Variants in NOX4 observed in about 807,000 individuals in gnomAD.
The protein encoded by NOX4 is NADPH oxidase 4.
In NOX4, 69 loss-of-function variants were observed where a neutral mutation model predicts 87.6. The observed-to-expected ratio is 0.79, with a 90% CI of 0.65 to 0.96. NOX4 has a LOEUF of 0.96. Among genes scored for constraint, NOX4 ranks in the 40% least tolerant of loss-of-function variants. The pLI, the probability that NOX4 is intolerant of heterozygous loss-of-function variation, is 0.00. For synonymous variants in NOX4, 275 were observed against 238.2 expected, an observed-to-expected ratio of 1.15 and a Z score of -1.42; for missense variants, 680 against 681.5, an observed-to-expected ratio of 1.00 and a Z score of 0.02.
Position 89,330,080 on chromosome 11 carries a change from T to C in NOX4, c.1617-3204A>G, listed in dbSNP as rs572481392. Among the ~76,000 whole-genome samples the C allele has an allele frequency of 5.3e-5, 8 of 152,188 alleles. No individual in the cohort carries two copies. In the South Asian group the frequency reaches 1.5e-3, roughly 28 times the overall value. ...AACTATAACATATGTATATGTAAGA[T>C]GAATGCAAAAATAGCAAAACGGATG... On this transcript the variant is annotated intron_variant, in intron 17 of 17. Transcript: ENST00000263317.
upstream of NOX4, among the ~76,000 whole-genome samples, chr11:89,493,838 C>G (rs1326971831): frequency 6.6e-6 from 1 of 151,896 alleles, no homozygotes; most frequent in African/African-American, 2.4e-5. Flanking sequence ...TAACCTCCAC[C>G]TCCTGGGTTC....
chr11:89,373,277 C>CAA (rs144113376), intron 12 of NOX4, among the ~76,000 whole-genome samples, 155 bp downstream of exon 12: 41 of 59,078 alleles, frequency 6.9e-4, no homozygotes, highest in East Asian at 1.2e-3. Context: ...ACTGTACAAG[C>CAA]AAAAAAAAAA....
upstream of NOX4, among the ~76,000 whole-genome samples, chr11:89,493,954 C>A (rs979817255): frequency 6.6e-6 from 1 of 151,998 alleles, no homozygotes. Context: ...GGGGTTTCAC[C>A]ACATTGGCCA....
At chr11:89,439,242 T>C (rs777589233) in intron 6 of NOX4, among the ~76,000 whole-genome samples, 2 of 151,492 alleles carry the variant, frequency 1.3e-5, no homozygotes, top group Admixed American at 6.6e-5. Context: ...ATGAATTCAC[T>C]GTAAACCAAA....
At chr11:89,371,449 A>C (rs1284418610) in intron 12 of NOX4, among the ~76,000 whole-genome samples, 2 of 151,986 alleles carry the variant, frequency 1.3e-5, no homozygotes, top group African/African-American at 4.8e-5. Context: ...ATTTATTTTA[A>C]TGAGCTACTG....
the NOX4 span, among the ~76,000 whole-genome samples, chr11:89,544,691 T>C: frequency 6.6e-6 from 1 of 152,098 alleles, no homozygotes; most frequent in African/African-American, 2.4e-5. Context: ...GTTAGTTACG[T>C]GTAACTTTTC....
At chr11:89,587,756 A>C in the NOX4 span, among the ~76,000 whole-genome samples, 1 of 152,172 alleles carries the variant, frequency 6.6e-6, no homozygotes, top group East Asian at 1.9e-4. Flanking sequence ...AACTGATTTC[A>C]ATTAAAATAT....
At chr11:89,426,022 T>C (rs1450980286) in intron 7 of NOX4, among the ~76,000 whole-genome samples, 2 of 152,164 alleles carry the variant, frequency 1.3e-5, no homozygotes, top group African/African-American at 4.8e-5. Context: ...TCTGAAAAAC[T>C]GAATGTGTCC....
intron 11 of NOX4, among the ~76,000 whole-genome samples, chr11:89,394,610 G>A (rs1007182772): frequency 3.9e-5 from 6 of 152,044 alleles, no homozygotes; most frequent in East Asian, 1.9e-4. Context: ...CCATAAACTC[G>A]TCATTTACAT....
At chr11:89,498,059 TAG>T (rs2135509190) in exon 1 of NOX4, 1 of 152,310 alleles carries the variant, frequency 6.6e-6, no homozygotes, top group East Asian at 1.9e-4. Context: ...GAGGCCCATG[TAG>T]ACTCTTCCCA....
chr11:89,507,535 TA>T, the NOX4 span, among the ~76,000 whole-genome samples: 2 of 151,622 alleles, frequency 1.3e-5, no homozygotes, highest in African/African-American at 4.8e-5. Flanking sequence ...TATATACATA[TA>T]TATTGAATGA....
chr11:89,563,881 T>C, the NOX4 span, among the ~76,000 whole-genome samples: 2 of 152,172 alleles, frequency 1.3e-5, no homozygotes, highest in African/African-American at 4.8e-5. Context: ...ATACAGAAAA[T>C]GACACTTGCA....
chr11:89,328,184 AGAG>A (rs1172066569), intron 17 of NOX4, among the ~76,000 whole-genome samples: 1 of 152,220 alleles, frequency 6.6e-6, no homozygotes, highest in Non-Finnish European at 1.5e-5. Context: ...GGAGATTGGT[AGAG>A]GAGAATCCTC....
chr11:89,511,056 T>C, the NOX4 span, among the ~76,000 whole-genome samples: 2 of 152,106 alleles, frequency 1.3e-5, no homozygotes, highest in Admixed American at 6.6e-5. Context: ...TCGTGCTATA[T>C]GTAGGTATGC....
the NOX4 span, among the ~76,000 whole-genome samples, chr11:89,508,514 G>T: frequency 6.6e-6 from 1 of 152,046 alleles, no homozygotes; most frequent in Admixed American, 6.6e-5. Flanking sequence ...TTTTGAACGT[G>T]CCAGCTTCTA....
At chr11:89,543,165 A>G in the NOX4 span, among the ~76,000 whole-genome samples, 6 of 152,214 alleles carry the variant, frequency 3.9e-5, no homozygotes, top group Non-Finnish European at 8.8e-5. Context: ...CAATATACCC[A>G]TGTAACAAAA....
At chr11:89,502,875 G>A (rs1430683290), upstream of NOX4, among the ~76,000 whole-genome samples, 1 of 151,854 alleles carries the variant, frequency 6.6e-6, no homozygotes, top group Admixed American at 6.6e-5. Flanking sequence ...AATGAAAATA[G>A]CAAAATAAGA....
At chr11:89,464,384 A>C (rs566350076) in intron 2 of NOX4, among the ~76,000 whole-genome samples, 1 of 152,290 alleles carries the variant, frequency 6.6e-6, no homozygotes, top group Admixed American at 6.5e-5. Flanking sequence ...AGGTTTTCAG[A>C]GTACAAAAGG....
chr11:89,337,615 T>A, intron 15 of NOX4, 100 bp from the exon 16 acceptor site: 2 of 1,482,698 alleles, frequency 1.3e-6, no homozygotes, highest in Non-Finnish European at 1.8e-6. Context: ...TAACACAACC[T>A]AGCTTATCAT....
Sources: gnomAD v4.1 joint callset for allele counts (sites outside exome capture counted in the v4.1 genomes callset) on GRCh38, gnomAD v4.1.1 for gene constraint, MANE v1.5 for transcripts, NCBI Gene and HGNC (gene_info 2026-07-23, HGNC 2026-07-21) for gene names.